KIFC1: variants seen among roughly 807,000 people sequenced by gnomAD.
The protein encoded by KIFC1 is kinesin-like protein KIFC1.
KIFC1 carries 37 observed loss-of-function variants against 66.6 expected under a neutral mutation model. The ratio of observed to expected loss-of-function variants is 0.56; its 90% CI spans 0.43 to 0.73. KIFC1 has a LOEUF of 0.73. Among genes scored for constraint, KIFC1 ranks in the 30% least tolerant of loss-of-function variants. KIFC1 has a pLI of 0.00. For missense variants in KIFC1, 721 were observed against 859.8 expected (o/e 0.84, Z 2.02); for synonymous variants, 325 against 343.5 (o/e 0.95, Z 0.60).
In KIFC1 at chr6:33,393,935, A is replaced by G. The variant is rs1209621587; in HGVS notation, c.12+1938A>G. ...CTAATTTTTTGTATTTTTAGTATAGACAGGGTTTCACCGCGTTAGCCCGGA... is the reference window on the plus strand; with the variant it reads ...CTAATTTTTTGTATTTTTAGTATAGGCAGGGTTTCACCGCGTTAGCCCGGA... On this transcript the variant is annotated intron_variant, in intron 1 of 10. Transcript: ENST00000428849. 3.3e-5 allele frequency among the ~76,000 whole-genome samples: 5 copies of G among 151,522 alleles called. No homozygotes were observed. The South Asian group carries it at 1.0e-3, about 32-fold the overall frequency.
intron 3 of KIFC1, among the ~76,000 whole-genome samples, chr6:33,399,086 C>T (rs532152748): frequency 3.3e-5 from 5 of 152,260 alleles, no homozygotes; most frequent in South Asian, 2.1e-4. Flanking sequence ...AACCAACCAT[C>T]GGTTGAAAAT....
At position 33,406,178 on chromosome 6, in the gene KIFC1, T is replaced by C; in HGVS notation, c.1537-18T>C. The C allele has an allele frequency of 6.3e-7, 1 of 1,591,740 alleles. No individual in the cohort carries two copies. The stretch of plus-strand genomic sequence containing the variant: ...TGACTTCTGCCTGCCTTTTTGCCCC[T>C]TCTGCTCCCATCCCCAGGTGGACGC... On this transcript the variant is annotated intron_variant, in intron 7 of 10. Coordinates refer to ENST00000428849, the MANE Select transcript of KIFC1 (RefSeq NM_002263.4). The surrounding 1 kb of genome is among the most constrained non-coding windows in gnomAD (Gnocchi z 4.5).
rs200765291 is a variant in KIFC1 at position 33,404,847 on chromosome 6, G to A, written c.757-5G>A. Reference sequence around the variant, plus strand: ...TCTGTGTATGTTGTGTTCTCTTCTGGGCAGAGGAGGCTGCAGACATCAGAA... The same window carrying A: ...TCTGTGTATGTTGTGTTCTCTTCTGAGCAGAGGAGGCTGCAGACATCAGAA... On this transcript the variant is annotated splice_region_variant and splice_polypyrimidine_tract_variant and intron_variant, in intron 6 of 10. Transcript: ENST00000428849. The surrounding 1 kb of genome is among the most constrained non-coding windows in gnomAD (Gnocchi z 4.0). 6.2e-7 allele frequency: 1 copy of A among 1,600,464 alleles called. No homozygotes were observed. The highest frequency in any genetic ancestry group is 1.7e-5 in the Admixed American group (1 of 59,144).
chr6:33,395,491 T>C (rs1774988054), intron 1 of KIFC1, among the ~76,000 whole-genome samples: 1 of 151,994 alleles, frequency 6.6e-6, no homozygotes, highest in Non-Finnish European at 1.5e-5. Flanking sequence ...TCTGATCTTG[T>C]GGTGAGGTGG....
chr6:33,392,685 G>GTCT (rs111510892), intron 1 of KIFC1, among the ~76,000 whole-genome samples: 4 of 19,604 alleles, frequency 2.0e-4, no homozygotes, highest in African/African-American at 4.6e-4. Context: ...GCCAGGAAAG[G>GTCT]TCTGCCTGAA....
Position 33,401,858 on chromosome 6 carries a change from C to T in KIFC1, c.251-1456C>T, listed in dbSNP as rs545753216. Among the ~76,000 whole-genome samples the T allele has an allele frequency of 9.2e-5, 14 of 152,194 alleles. No homozygotes were observed. The highest frequency in any genetic ancestry group is 3.9e-4 in the East Asian group (2 of 5,170). The stretch of plus-strand genomic sequence containing the variant: ...CTGGGACTACAGGTGCCCGCCACCA[C>T]GCCTGGTTAATTTTGTTTTTGTATT... On this transcript the variant is annotated intron_variant, in intron 3 of 10. Coordinates refer to ENST00000428849, the MANE Select transcript of KIFC1 (RefSeq NM_002263.4). This position sits in a 1 kb window ranked among gnomAD's most constrained non-coding sequence, Gnocchi z 4.5.
At position 33,403,561 on chromosome 6, in the gene KIFC1, T is replaced by C. The variant is rs779627635; in HGVS notation, c.355+26T>C. The stretch of plus-strand genomic sequence containing the variant: ...GTAAGTGACAAACATAACCACTGGG[T>C]GAGAGGCTGGGATAGGGAAGAGAAG... On this transcript the variant is annotated intron_variant, in intron 5 of 10. Transcript: ENST00000428849. This position sits in a 1 kb window ranked among gnomAD's most constrained non-coding sequence, Gnocchi z 4.6. The C allele has an allele frequency of 6.2e-7, 1 of 1,611,898 alleles. No individual in the cohort carries two copies. The highest frequency in any genetic ancestry group is 8.5e-7 in the Non-Finnish European group (1 of 1,178,158).
chr6:33,404,188 C>T lies in KIFC1; in HGVS notation c.756+59C>T. The T allele has an allele frequency of 6.6e-7, 1 of 1,520,438 alleles. No homozygotes were observed. Among genetic ancestry groups the T allele is most frequent in the South Asian group, 1.2e-5 (1 of 80,140 alleles). The allele number at this position is 1,520,438 out of a possible 1,614,324, so 94.2% of individuals were successfully genotyped here. A position where few individuals can be genotyped will look rare whatever the true frequency, so the allele number is the denominator to read the frequency against. On this transcript the variant is annotated intron_variant, in intron 6 of 10. Transcript: ENST00000428849. The surrounding 1 kb of genome is among the most constrained non-coding windows in gnomAD (Gnocchi z 4.0). ...GCTTTCCTGGCAGAGGTCATGCCTC[C>T]CCTCCCTTCCAGGTACCCCTCAAGT...
chr6:33,409,287 T>C (rs1775796911), intron 10 of KIFC1, among the ~76,000 whole-genome samples: 1 of 152,208 alleles, frequency 6.6e-6, no homozygotes, highest in South Asian at 2.1e-4. Context: ...ACTGATCCAT[T>C]TTCTAAGGAG....
intron 3 of KIFC1, among the ~76,000 whole-genome samples, chr6:33,402,597 G>A (rs1202623283): frequency 2.0e-5 from 3 of 152,010 alleles, no homozygotes; most frequent in Admixed American, 2.0e-4. Context: ...AGGCGTGGTG[G>A]CGCTTGCCTG....
chr6:33,404,790 AGTTT>A lies in KIFC1; in HGVS notation c.757-58_757-55del. 6.7e-7 allele frequency: 1 copy of A among 1,492,772 alleles called. No homozygotes were observed. The highest frequency in any genetic ancestry group is 9.1e-7 in the Non-Finnish European group (1 of 1,103,502). The allele number at this position is 1,492,772 out of a possible 1,614,324, so 92.5% of individuals were successfully genotyped here. On this transcript the variant is annotated intron_variant, in intron 6 of 10. Transcript: ENST00000428849. This position sits in a 1 kb window ranked among gnomAD's most constrained non-coding sequence, Gnocchi z 4.0. Reference sequence around the variant, plus strand: ...CTTCCACCCACTCCATACGCCCCACAGTTTGTTCTTCTTCTTGGTTGCATCTTAC... The same window carrying A: ...CTTCCACCCACTCCATACGCCCCACAGTTCTTCTTCTTGGTTGCATCTTAC...
At chr6:33,397,916 T>C (rs1270087462) in intron 1 of KIFC1, 113 bp from the exon 2 acceptor site, 7 of 1,098,280 alleles carry the variant, frequency 6.4e-6, no homozygotes, top group Non-Finnish European at 9.4e-6. Flanking sequence ...TTGGCACAAG[T>C]GGTGCTCAGT....
chr6:33,391,809 G>A, upstream of KIFC1: 1 of 742,122 alleles, frequency 1.3e-6, no homozygotes. Flanking sequence ...CGGTGAGAGT[G>A]GGTGGTGGCC....
At position 33,394,814 on chromosome 6, in the gene KIFC1, T is replaced by G. The variant is rs143651041; in HGVS notation, c.12+2817T>G. On this transcript the variant is annotated intron_variant, in intron 1 of 10. Coordinates refer to ENST00000428849, the MANE Select transcript of KIFC1 (RefSeq NM_002263.4). ...GCGATGTTGACGATGCAGTTCAGTATAGGTGCAGGATCGAGGTCTGAGCTG... is the reference window on the plus strand; with the variant it reads ...GCGATGTTGACGATGCAGTTCAGTAGAGGTGCAGGATCGAGGTCTGAGCTG... Among the ~76,000 whole-genome samples the G allele has an allele frequency of 3.8e-4, 58 of 152,344 alleles. No homozygotes were observed. In the East Asian group the frequency reaches 0.011, roughly 28 times the overall value.
At position 33,403,697 on chromosome 6, in the gene KIFC1, A is replaced by T; in HGVS notation, c.356-32A>T. 6.2e-7 allele frequency: 1 copy of T among 1,604,214 alleles called. No individual in the cohort carries two copies. The highest frequency in any genetic ancestry group is 8.5e-7 in the Non-Finnish European group (1 of 1,174,102). On this transcript the variant is annotated intron_variant, in intron 5 of 10. Coordinates refer to ENST00000428849, the MANE Select transcript of KIFC1 (RefSeq NM_002263.4). The surrounding 1 kb of genome is among the most constrained non-coding windows in gnomAD (Gnocchi z 4.6). Reference sequence around the variant, plus strand: ...AGGAGGGATAGAGAGCCTAGACTTCACTGACCTTTGTCCTTTCTGTGTTCA... The same window carrying T: ...AGGAGGGATAGAGAGCCTAGACTTCTCTGACCTTTGTCCTTTCTGTGTTCA...
chr6:33,395,998 C>T (rs1051413821), intron 1 of KIFC1, among the ~76,000 whole-genome samples: 9 of 152,096 alleles, frequency 5.9e-5, no homozygotes, highest in Admixed American at 2.6e-4. Context: ...AGAGTCCTAC[C>T]ATGTAGCAGA....
rs373978399 is a variant in KIFC1, at chr6:33,406,861, C to T, written c.1963C>T (p.Arg655Cys). ...CGTCTCCGAGTCCCTCAACTCTCTA[C>T]GCTTTGCCTCCAAGGTGCGATTACC... ...ENVSESLNSL[R>C]FASKVNQCVI... The change falls in exon 10 of 11, where the codon CGC becomes TGC. Residue 655 changes from arginine (R) to cysteine (C), a missense_variant. Transcript: ENST00000428849. This position sits in a 1 kb window ranked among gnomAD's most constrained non-coding sequence, Gnocchi z 4.5. The T allele has an allele frequency of 3.7e-6, 6 of 1,614,002 alleles. No homozygotes were observed. In the African/African-American group the frequency reaches 5.3e-5, roughly 14 times the overall value.
Position 33,406,931 on chromosome 6 carries a change from C to T in KIFC1, c.1977+56C>T. Reference sequence around the variant, plus strand: ...ACCCGTGGGTGGTTGTAGGCTTCTCCATTCCAATCCCTTTTGTCTTCTAGG... The same window carrying T: ...ACCCGTGGGTGGTTGTAGGCTTCTCTATTCCAATCCCTTTTGTCTTCTAGG... On this transcript the variant is annotated intron_variant, in intron 10 of 10. Coordinates refer to ENST00000428849, the MANE Select transcript of KIFC1 (RefSeq NM_002263.4). The surrounding 1 kb of genome is among the most constrained non-coding windows in gnomAD (Gnocchi z 4.5). 6 of 1,608,872 alleles carry T rather than the reference C, an allele frequency of 3.7e-6. No homozygotes were observed. In the South Asian group the frequency reaches 6.6e-5, roughly 18 times the overall value.
In KIFC1 at chr6:33,406,938, A is replaced by G; in HGVS notation, c.1977+63A>G. On this transcript the variant is annotated intron_variant, in intron 10 of 10. Transcript: ENST00000428849. This position sits in a 1 kb window ranked among gnomAD's most constrained non-coding sequence, Gnocchi z 4.5. ...GGTGGTTGTAGGCTTCTCCATTCCA[A>G]TCCCTTTTGTCTTCTAGGGCAGGGA... 6.2e-7 allele frequency: 1 copy of G among 1,606,920 alleles called. No homozygotes were observed. Among genetic ancestry groups the G allele is most frequent in the Non-Finnish European group, 8.5e-7 (1 of 1,176,178 alleles).
Sources: allele counts gnomAD v4.1 joint callset (sites outside exome capture counted in the v4.1 genomes callset), GRCh38; gene constraint gnomAD v4.1.1; non-coding constraint Gnocchi (gnomAD v3.1); transcripts MANE v1.5; gene names NCBI Gene and HGNC (gene_info 2026-07-23, HGNC 2026-07-21).